The following ZMYND8 variants were observed in gnomAD, a reference collection of about 807,000 sequenced individuals.
ZMYND8 encodes the protein MYND-type zinc finger-containing chromatin reader ZMYND8.
ZMYND8 carries 37 observed loss-of-function variants against 140.8 expected under a neutral mutation model. That is an observed-to-expected ratio of 0.26 (90% confidence interval 0.20 to 0.35). The LOEUF is 0.35. Ranked by LOEUF, ZMYND8 falls within the 10% of genes least tolerant of loss-of-function variation. The pLI, the probability that ZMYND8 is intolerant of heterozygous loss-of-function variation, is 1.00. For missense variants in ZMYND8, 1,068 were observed against 1,570.0 expected, an observed-to-expected ratio of 0.68 and a Z score of 5.40; for synonymous variants, 592 against 597.1, an observed-to-expected ratio of 0.99 and a Z score of 0.12.
At chr20:47,313,327 A>C (rs2079088911) in intron 2 of ZMYND8, among the ~76,000 whole-genome samples, 1 of 152,156 alleles carries the variant, frequency 6.6e-6, no homozygotes, top group Non-Finnish European at 1.5e-5. Context: ...AAAAAATATA[A>C]AAATTAGGCT....
At chr20:47,294,078 T>G (rs2077477996) in intron 5 of ZMYND8, among the ~76,000 whole-genome samples, 1 of 152,076 alleles carries the variant, frequency 6.6e-6, no homozygotes, top group African/African-American at 2.4e-5. Context: ...CGAGCCACAG[T>G]GGCTCATGCC....
intron 12 of ZMYND8, among the ~76,000 whole-genome samples, chr20:47,249,829 T>C (rs2074023474): frequency 6.6e-6 from 1 of 152,162 alleles, no homozygotes; most frequent in African/African-American, 2.4e-5. Flanking sequence ...CAAGGTGTAC[T>C]TGTAACTTCA....
intron 2 of ZMYND8, among the ~76,000 whole-genome samples, chr20:47,326,107 G>C (rs372271471): frequency 6.6e-6 from 1 of 152,100 alleles, no homozygotes; most frequent in Non-Finnish European, 1.5e-5. Flanking sequence ...ACAGGTGCCC[G>C]CTACCACGCC....
intron 1 of ZMYND8, among the ~76,000 whole-genome samples, chr20:47,351,524 A>G (rs1461286674): frequency 2.0e-5 from 3 of 152,210 alleles, no homozygotes; most frequent in African/African-American, 7.2e-5. Context: ...CTTTTCATTC[A>G]AAATACCAAA....
At position 47,355,527 on chromosome 20, in the gene ZMYND8, CA is replaced by C. The variant is rs1223898040; in HGVS notation, c.14+1129del. 4.1e-6 allele frequency: 4 copies of C among 985,056 alleles called. No individual in the cohort carries two copies. The East Asian group carries it at 4.5e-4, about 112-fold the overall frequency. 61.0% of individuals were successfully genotyped at this position (985,056 alleles called of 1,614,324 possible). On this transcript the variant is annotated intron_variant, in intron 1 of 22. Transcript: ENST00000471951. ...CAGGCTGGCAGATTTGGGACTTGAT[CA>C]AAAAGGAAATTTTTTTAAACAGTTA...
chr20:47,266,213 T>C (rs2075510187), intron 11 of ZMYND8, among the ~76,000 whole-genome samples: 1 of 147,934 alleles, frequency 6.8e-6, no homozygotes, highest in African/African-American at 2.5e-5. Flanking sequence ...ATATCATGAA[T>C]GCCACGGCCA....
chr20:47,351,648 A>G, intron 1 of ZMYND8: 1 of 984,004 alleles, frequency 1.0e-6, no homozygotes, highest in Non-Finnish European at 1.2e-6. Context: ...TCTACAATTA[A>G]TTTTTTAAGA....
At chr20:47,317,017 C>T (rs1358501226) in intron 2 of ZMYND8, among the ~76,000 whole-genome samples, 1 of 152,146 alleles carries the variant, frequency 6.6e-6, no homozygotes, top group Non-Finnish European at 1.5e-5. Flanking sequence ...GGGCCAGCTT[C>T]TAATCTCTGT....
intron 14 of ZMYND8, among the ~76,000 whole-genome samples, chr20:47,239,403 G>A (rs1309428343): frequency 6.6e-6 from 1 of 152,362 alleles, no homozygotes; most frequent in East Asian, 1.9e-4. Context: ...ACCTCTAGGG[G>A]AGAATGAGGC....
intron 16 of ZMYND8, among the ~76,000 whole-genome samples, chr20:47,234,478 G>T (rs1484817299): frequency 1.3e-5 from 2 of 152,240 alleles, no homozygotes; most frequent in Non-Finnish European, 2.9e-5. Context: ...GACCTTGAGA[G>T]TGGATCCTTT....
chr20:47,346,814 G>A (rs1405451958), intron 2 of ZMYND8, among the ~76,000 whole-genome samples: 2 of 152,142 alleles, frequency 1.3e-5, no homozygotes, highest in Non-Finnish European at 2.9e-5. Context: ...CACCATGTTG[G>A]CCAGGCTGGT....
At position 47,236,319 on chromosome 20, in the gene ZMYND8, C is replaced by T. The variant is rs1045556171; in HGVS notation, c.2856+7G>A. On this transcript the variant is annotated splice_region_variant and intron_variant, in intron 16 of 22. Transcript: ENST00000471951. Reference sequence around the variant, plus strand: ...CCATCTCCACGGTAGCTCTCCCATCCACTCACTTTGCTAGTGTACTTGGCA... The same window carrying T: ...CCATCTCCACGGTAGCTCTCCCATCTACTCACTTTGCTAGTGTACTTGGCA... The T allele has an allele frequency of 1.2e-6, 2 of 1,614,082 alleles. No individual in the cohort carries two copies. The highest frequency in any genetic ancestry group is 1.3e-5 in the African/African-American group (1 of 74,946).
chr20:47,249,820 AAG>A (rs2074022772), intron 12 of ZMYND8, among the ~76,000 whole-genome samples: 1 of 152,206 alleles, frequency 6.6e-6, no homozygotes, highest in African/African-American at 2.4e-5. Flanking sequence ...GAGCCTGGTC[AAG>A]GTGTACTTGT....
intron 22 of ZMYND8, among the ~76,000 whole-genome samples, chr20:47,211,351 G>GA (rs1465954415): frequency 6.6e-6 from 1 of 152,132 alleles, no homozygotes; most frequent in Non-Finnish European, 1.5e-5. Context: ...TAGGCAACTT[G>GA]AAAAATGGCC....
intron 11 of ZMYND8, among the ~76,000 whole-genome samples, chr20:47,272,010 G>C (rs1027369531): frequency 1.4e-5 from 2 of 143,824 alleles, no homozygotes; most frequent in African/African-American, 5.0e-5. Context: ...CTGTAATAAA[G>C]AACTAATTTA....
At chr20:47,356,591 T>C in intron 1 of ZMYND8, 66 bp downstream of exon 1, 1 of 1,613,838 alleles carries the variant, frequency 6.2e-7, no homozygotes, top group Non-Finnish European at 8.5e-7. Flanking sequence ...GAAATCACAC[T>C]GCTCGCCCAC....
At chr20:47,267,388 C>G (rs2075604190) in intron 11 of ZMYND8, among the ~76,000 whole-genome samples, 1 of 148,456 alleles carries the variant, frequency 6.7e-6, no homozygotes, top group Non-Finnish European at 1.5e-5. Context: ...TGCCACTGAT[C>G]TGTTCAAAAT....
At chr20:47,291,732 A>G (rs2077277095) in intron 6 of ZMYND8, 64 bp downstream of exon 6, 2 of 1,312,872 alleles carry the variant, frequency 1.5e-6, no homozygotes, top group South Asian at 1.5e-5. Flanking sequence ...ATAGGCAGTG[A>G]GGGAAGAGCC....
chr20:47,219,013 T>A (rs2036531117), intron 21 of ZMYND8, among the ~76,000 whole-genome samples: 2 of 149,076 alleles, frequency 1.3e-5, no homozygotes, highest in Non-Finnish European at 3.0e-5. Flanking sequence ...GGTCAAGAGA[T>A]CAAGACCAAC....
Sources: gnomAD v4.1 joint callset for allele counts (sites outside exome capture counted in the v4.1 genomes callset) on GRCh38, gnomAD v4.1.1 for gene constraint, MANE v1.5 for transcripts, NCBI Gene and HGNC (gene_info 2026-07-23, HGNC 2026-07-21) for gene names.